PIK3C2B: variants seen among roughly 807,000 people sequenced by gnomAD.
The protein encoded by PIK3C2B is phosphatidylinositol 4-phosphate 3-kinase C2 domain-containing subunit beta.
Under a neutral mutation model 184.3 loss-of-function variants are expected in PIK3C2B, and 83 were observed. The ratio of observed to expected loss-of-function variants is 0.45; its 90% CI spans 0.38 to 0.54. PIK3C2B has a LOEUF of 0.54. Ranked by LOEUF, PIK3C2B falls within the 20% of genes least tolerant of loss-of-function variation. The probability of loss-of-function intolerance (pLI) is 0.00; values close to 1 mark genes in which losing one functional copy is unlikely to be tolerated. For missense variants in PIK3C2B, 1,736 were observed against 2,113.5 expected (o/e 0.82, Z 3.50); for synonymous variants, 779 against 837.6 (o/e 0.93, Z 1.21).
In PIK3C2B at chr1:204,472,155, C is replaced by T. The variant is rs576538761; in HGVS notation, c.-84-2269G>A. 7.5e-5 allele frequency among the ~76,000 whole-genome samples: 10 copies of T among 132,482 alleles called. No individual in the cohort carries two copies. In the East Asian group the frequency reaches 2.3e-3, roughly 30 times the overall value. 86.9% of individuals were successfully genotyped at this position (132,482 alleles called of 152,430 possible). A position where few individuals can be genotyped will look rare whatever the true frequency, so the allele number is the denominator to read the frequency against. On this transcript the variant is annotated intron_variant, in intron 1 of 32. Coordinates refer to ENST00000684373, the MANE Select transcript of PIK3C2B (RefSeq NM_001377334.1). ...TCAACCCCAGCTGCAACATTAGCAA[C>T]ACTGGGGGAACTTTTTTTTTTTTTT...
chr1:204,469,392 T>C lies in PIK3C2B; in HGVS notation c.411A>G (p.Gly137=). ...YLYIFDGSDG[G]VSSSPGPGDI... ...CCCCTGGTCCTGGGGACGAAGAGACTCCCCCATCTGAACCATCAAAAATGT... is the reference window on the plus strand; with the variant it reads ...CCCCTGGTCCTGGGGACGAAGAGACCCCCCCATCTGAACCATCAAAAATGT... Residue 137 remains glycine (G), a synonymous_variant, in exon 2 of 33, where the codon GGA becomes GGG. Coordinates refer to ENST00000684373, the MANE Select transcript of PIK3C2B (RefSeq NM_001377334.1). 6.5e-7 allele frequency: 1 copy of C among 1,535,462 alleles called. No homozygotes were observed. The highest frequency in any genetic ancestry group is 1.8e-4 in the Middle Eastern group (1 of 5,652).
At chr1:204,494,052 G>T (rs1351963104) in intron 1 of PIK3C2B, among the ~76,000 whole-genome samples, 1 of 152,220 alleles carries the variant, frequency 6.6e-6, no homozygotes, top group Non-Finnish European at 1.5e-5. Flanking sequence ...CTGCAGCTGG[G>T]AGCCAGGAAG....
intron 9 of PIK3C2B, among the ~76,000 whole-genome samples, chr1:204,457,392 G>A (rs1438162520): frequency 6.6e-6 from 1 of 152,208 alleles, no homozygotes; most frequent in East Asian, 1.9e-4. Context: ...TGGAGCCCCT[G>A]GCTCTAGAGA....
At chr1:204,440,130 G>C in intron 22 of PIK3C2B, 62 bp downstream of exon 22, 1 of 1,520,538 alleles carries the variant, frequency 6.6e-7, no homozygotes, top group Admixed American at 2.0e-5. Flanking sequence ...TGTTGGCAAT[G>C]GGCAGAAGGA....
At position 204,460,669 on chromosome 1, in the gene PIK3C2B, G is replaced by A. The variant is rs1004245937; in HGVS notation, c.1311-8C>T. The A allele has an allele frequency of 6.3e-7, 1 of 1,576,740 alleles. No individual in the cohort carries two copies. Among genetic ancestry groups the A allele is most frequent in the South Asian group, 1.1e-5 (1 of 90,286 alleles). On this transcript the variant is annotated splice_polypyrimidine_tract_variant and splice_region_variant and intron_variant, in intron 5 of 32. Coordinates refer to ENST00000684373, the MANE Select transcript of PIK3C2B (RefSeq NM_001377334.1). ...CTGCCCAAGGCATGCTTGCTGGTAG[G>A]GTAGAGGGACAAGACCATTAGCATC...
chr1:204,431,554 C>CA, intron 28 of PIK3C2B, 115 bp downstream of exon 28: 1 of 1,305,622 alleles, frequency 7.7e-7, no homozygotes. Flanking sequence ...GCAAAGCAGG[C>CA]AGATGTTTAG....
chr1:204,466,306 C>T (rs1053539213), intron 2 of PIK3C2B, among the ~76,000 whole-genome samples: 4 of 152,204 alleles, frequency 2.6e-5, no homozygotes, highest in East Asian at 1.9e-4. Context: ...AGTCTAGCTC[C>T]GGCCTGTGCA....
chr1:204,493,922 G>A (rs568244753), intron 1 of PIK3C2B, among the ~76,000 whole-genome samples: 1 of 152,308 alleles, frequency 6.6e-6, no homozygotes, highest in South Asian at 2.1e-4. Context: ...CCCCAGGCTA[G>A]ATGCCGACTT....
chr1:204,458,666 G>C (rs1311547809), intron 8 of PIK3C2B, among the ~76,000 whole-genome samples: 1 of 151,952 alleles, frequency 6.6e-6, no homozygotes, highest in Non-Finnish European at 1.5e-5. Flanking sequence ...GTTAATTTTT[G>C]TATTTTTAGT....
chr1:204,476,557 A>T (rs1053527140), intron 1 of PIK3C2B, among the ~76,000 whole-genome samples: 7 of 152,220 alleles, frequency 4.6e-5, no homozygotes, highest in Admixed American at 6.5e-5. Context: ...AAATTAAATT[A>T]AATTAAAATT....
intron 1 of PIK3C2B, among the ~76,000 whole-genome samples, chr1:204,486,187 G>A (rs2103537471): frequency 6.6e-6 from 1 of 152,142 alleles, no homozygotes; most frequent in Non-Finnish European, 1.5e-5. Flanking sequence ...CCAGAGGTCG[G>A]GAATTCCAGA....
intron 24 of PIK3C2B, among the ~76,000 whole-genome samples, chr1:204,434,155 A>G (rs1238857200): frequency 6.6e-6 from 1 of 152,094 alleles, no homozygotes; most frequent in Admixed American, 6.5e-5. Context: ...TGAGCTGGCA[A>G]TATTTTTTTC....
chr1:204,443,430 G>A lies in PIK3C2B; in HGVS notation c.3035C>T (p.Pro1012Leu), dbSNP rs61763415. The A allele has an allele frequency of 1.2e-6, 2 of 1,613,904 alleles. No individual in the cohort carries two copies. The highest frequency in any genetic ancestry group is 2.2e-5 in the East Asian group (1 of 44,900). The change falls in exon 19 of 33, where the codon CCA becomes CTA. Residue 1012 changes from proline to leucine, a missense_variant. By Grantham distance (98) the Pro-to-Leu change is moderately conservative. This residue lies in a region of PIK3C2B where 289 missense variants were observed against 380.4 expected (regional missense o/e 0.76). Transcript: ENST00000684373. ...KLAQQVREAA[P>L]SARQGILRTG... is the part of the protein sequence containing the mutation. ...CACCCCACTAACCTGCCTTGCAGAT[G>A]GGGCTGCCTCCCGGACCTGCTGGGC...
At chr1:204,437,068 T>C (rs1020810084) in intron 23 of PIK3C2B, among the ~76,000 whole-genome samples, 1 of 152,008 alleles carries the variant, frequency 6.6e-6, no homozygotes, top group Non-Finnish European at 1.5e-5. Context: ...AGCTGGAGCA[T>C]AGGTTAGCAT....
chr1:204,444,054 A>G lies in PIK3C2B; in HGVS notation c.2867+14T>C. ...ACACGTGTCTACCTCCCACTTTTCT[A>G]CATGCAGTTTTACCAGAAGAAGTAG... is the stretch of plus-strand genomic sequence containing the variant. On this transcript the variant is annotated intron_variant, in intron 18 of 32. Coordinates refer to ENST00000684373, the MANE Select transcript of PIK3C2B (RefSeq NM_001377334.1). 6.4e-7 allele frequency: 1 copy of G among 1,564,506 alleles called. No homozygotes were observed. Among genetic ancestry groups the G allele is most frequent in the South Asian group, 1.1e-5 (1 of 89,976 alleles).
At chr1:204,493,110 C>T (rs1216059937) in intron 1 of PIK3C2B, among the ~76,000 whole-genome samples, 1 of 152,174 alleles carries the variant, frequency 6.6e-6, no homozygotes, top group African/African-American at 2.4e-5. Flanking sequence ...TCGGCATTGC[C>T]ACCTCCTGGG....
rs1217099214 is a variant in PIK3C2B, at chr1:204,427,782, G to A, written c.4481-28C>T. ...GTAGGGACAAATGAAACCATGAAGG[G>A]TCAAGAGGCCAGGCAGGTGTTTCTG... is the stretch of plus-strand genomic sequence containing the variant. On this transcript the variant is annotated intron_variant, in intron 30 of 32. Transcript: ENST00000684373. 14 of 1,504,692 alleles carry A rather than the reference G, an allele frequency of 9.3e-6. No individual in the cohort carries two copies. The African/African-American group carries it at 1.1e-4, about 12-fold the overall frequency. 93.2% of individuals were successfully genotyped at this position (1,504,692 alleles called of 1,614,324 possible).
chr1:204,470,023 G>A (rs1354194383), intron 1 of PIK3C2B, 137 bp from the exon 2 acceptor site: 2 of 569,992 alleles, frequency 3.5e-6, no homozygotes, highest in South Asian at 2.1e-5. Flanking sequence ...TGTACAGGAA[G>A]ATGGAGGAAA....
intron 1 of PIK3C2B, among the ~76,000 whole-genome samples, chr1:204,485,537 T>A (rs1657515425): frequency 6.6e-6 from 1 of 151,766 alleles, no homozygotes; most frequent in Non-Finnish European, 1.5e-5. Context: ...ACTGCCAGGA[T>A]AATCTTCCTA....
Sources: allele counts gnomAD v4.1 joint callset (sites outside exome capture counted in the v4.1 genomes callset), GRCh38; gene constraint gnomAD v4.1.1; regional missense constraint gnomAD v4.1.1; transcripts MANE v1.5; gene names NCBI Gene and HGNC (gene_info 2026-07-23, HGNC 2026-07-21).